The following DYM variants were observed in gnomAD, a reference collection of about 807,000 sequenced individuals.
DYM encodes the protein dyggve-Melchior-Clausen syndrome protein.
DYM carries 78 observed loss-of-function variants against 93.1 expected under a neutral mutation model. The observed-to-expected ratio is 0.84, with a 90% CI of 0.70 to 1.01. The LOEUF (loss-of-function observed/expected upper bound fraction) is 1.01, where lower values mean the gene tolerates loss of function less well. Ranked by LOEUF, DYM falls within the 50% of genes least tolerant of loss-of-function variation. DYM has a pLI of 0.00. For synonymous variants in DYM, 321 were observed against 319.7 expected, an observed-to-expected ratio of 1.00 and a Z score of -0.04; for missense variants, 789 against 845.0, an observed-to-expected ratio of 0.93 and a Z score of 0.82.
At chr18:49,390,148 C>T (rs111675513) in intron 3 of DYM, among the ~76,000 whole-genome samples, 2,284 of 152,272 alleles carry the variant, frequency 0.015, 56 homozygotes, top group African/African-American at 0.052. Context: ...GGCCCAGGCA[C>T]GGTGGCTAAC....
At chr18:49,273,121 A>C (rs1485731510) in intron 10 of DYM, among the ~76,000 whole-genome samples, 3 of 152,184 alleles carry the variant, frequency 2.0e-5, no homozygotes, top group Admixed American at 2.0e-4. Context: ...CACCAAAACA[A>C]GCTGGTATGC....
intron 14 of DYM, among the ~76,000 whole-genome samples, chr18:49,205,436 A>G (rs1452674820): frequency 2.6e-5 from 4 of 152,184 alleles, no homozygotes; most frequent in Admixed American, 2.6e-4. Flanking sequence ...AATTAAGAGT[A>G]TAATTTATTA....
intron 1 of DYM, among the ~76,000 whole-genome samples, chr18:49,443,745 T>C (rs2081866368): frequency 6.6e-6 from 1 of 152,050 alleles, no homozygotes; most frequent in Non-Finnish European, 1.5e-5. Flanking sequence ...TTGCCAAAAA[T>C]TAAAAATGGA....
chr18:49,305,101 G>A (rs754272862), intron 8 of DYM, among the ~76,000 whole-genome samples: 16 of 151,840 alleles, frequency 1.1e-4, no homozygotes, highest in African/African-American at 3.1e-4. Context: ...ATTGTCCATC[G>A]CCATCTCCAT....
intron 6 of DYM, among the ~76,000 whole-genome samples, chr18:49,334,735 A>G (rs2063543470): frequency 6.6e-6 from 1 of 152,276 alleles, no homozygotes; most frequent in Non-Finnish European, 1.5e-5. Context: ...TCATTAAACA[A>G]ATTAATGATG....
rs1420865310 is a variant in DYM at position 49,043,696 on chromosome 18, AATAGTGTGCACTGTTGG to A, written c.*342_*358del. Reference sequence around the variant, plus strand: ...CGCTTTTGAATAGTGTGCACTGTTGAATAGTGTGCACTGTTGGATAGTGTGCACTGTTGAAGTGTGAT... The same window carrying A: ...CGCTTTTGAATAGTGTGCACTGTTGAATAGTGTGCACTGTTGAAGTGTGAT... On this transcript the variant is annotated 3_prime_UTR_variant, in exon 18 of 18. Coordinates refer to ENST00000675505, the MANE Select transcript of DYM (RefSeq NM_001353214.3). The A allele has an allele frequency of 3.6e-4, 100 of 278,428 alleles. No homozygotes were observed. The highest frequency in any genetic ancestry group is 1.4e-3 in the Admixed American group (28 of 20,432). 17.2% of individuals were successfully genotyped at this position (278,428 alleles called of 1,614,324 possible).
At position 49,362,269 on chromosome 18, in the gene DYM, G is replaced by C. The variant is rs192446476; in HGVS notation, c.494+892C>G. Among the ~76,000 whole-genome samples the C allele has an allele frequency of 5.4e-3, 829 of 152,226 alleles. 4 individuals are homozygous for C. Among genetic ancestry groups the C allele is most frequent in the Non-Finnish European group, 9.3e-3 (635 of 68,004 alleles). On this transcript the variant is annotated intron_variant, in intron 6 of 17. Transcript: ENST00000675505. The stretch of plus-strand genomic sequence containing the variant: ...TCCAGGCACTTTAGGAGGCTGAGGT[G>C]GGAGGATCACTTGAAGCTGGGAGTT...
At position 49,042,381 on chromosome 18, in the gene DYM, G is replaced by A. The variant is rs540778523; in HGVS notation, c.*1674C>T. The A allele has an allele frequency of 1.3e-5, 2 of 152,508 alleles. No individual in the cohort carries two copies. Among genetic ancestry groups the A allele is most frequent in the South Asian group, 2.1e-4 (1 of 4,828 alleles). 9.4% of individuals were successfully genotyped at this position (152,508 alleles called of 1,614,324 possible). ...AACCTCTGTTTCATTCCATCCAGAC[G>A]AGGATAGGGAAGCTTCCTGCCCTAC... is the stretch of plus-strand genomic sequence containing the variant. On this transcript the variant is annotated 3_prime_UTR_variant, in exon 18 of 18. Coordinates refer to ENST00000675505, the MANE Select transcript of DYM (RefSeq NM_001353214.3).
rs34297501 is a variant in DYM at position 49,170,780 on chromosome 18, C to CAAAAAAA, written c.1626-7000_1626-6994dup. ...TGGGCAACAAAGTGAGACTCCGTCT[C>CAAAAAAA]AAAAAAAAAAAAAAAAAAAAAAAAA... On this transcript the variant is annotated intron_variant, in intron 14 of 17. Transcript: ENST00000675505. Among the ~76,000 whole-genome samples the CAAAAAAA allele has an allele frequency of 1.6e-4, 5 of 31,238 alleles. 2 individuals carry two copies. Among genetic ancestry groups the CAAAAAAA allele is most frequent in the Non-Finnish European group, 1.7e-4 (3 of 17,962 alleles). The allele number at this position is 31,238 out of a possible 152,430, so 20.5% of individuals were successfully genotyped here.
At chr18:49,442,889 G>C (rs959666994) in intron 1 of DYM, among the ~76,000 whole-genome samples, 15 of 147,296 alleles carry the variant, frequency 1.0e-4, no homozygotes, top group Non-Finnish European at 1.8e-4. Context: ...ACAGGGTCTT[G>C]CTCTGTCACC....
At chr18:49,349,485 C>T (rs1056386779) in intron 6 of DYM, among the ~76,000 whole-genome samples, 1 of 152,094 alleles carries the variant, frequency 6.6e-6, no homozygotes, top group Admixed American at 6.6e-5. Context: ...TGGGTAAGTA[C>T]ATGTCCAAAG....
At chr18:49,168,893 T>C (rs1185447519) in intron 14 of DYM, among the ~76,000 whole-genome samples, 3 of 152,026 alleles carry the variant, frequency 2.0e-5, no homozygotes, top group Non-Finnish European at 4.4e-5. Context: ...GGGGAAAGTG[T>C]TTAGAAAGGC....
Position 49,374,745 on chromosome 18 carries a change from G to C in DYM, c.421+3822C>G, listed in dbSNP as rs374571517. Among the ~76,000 whole-genome samples, 340 of 152,216 alleles carry C rather than the reference G, an allele frequency of 2.2e-3. 1 individual carries two copies. The highest frequency in any genetic ancestry group is 7.9e-3 in the African/African-American group (328 of 41,528). Reference sequence around the variant, plus strand: ...AGGCCGAGGTGGGCAGATCACATGAGGTCAGGAGTTCAAGACCAGCCTGAC... The same window carrying C: ...AGGCCGAGGTGGGCAGATCACATGACGTCAGGAGTTCAAGACCAGCCTGAC... On this transcript the variant is annotated intron_variant, in intron 5 of 17. Transcript: ENST00000675505.
intron 15 of DYM, among the ~76,000 whole-genome samples, chr18:49,161,154 G>T (rs1321828434): frequency 2.0e-5 from 3 of 150,638 alleles, no homozygotes; most frequent in Non-Finnish European, 4.4e-5. Context: ...TCTAGAAGCA[G>T]ATGCTTTAAG....
At chr18:49,121,211 G>C (rs1045763887) in intron 15 of DYM, among the ~76,000 whole-genome samples, 1 of 152,276 alleles carries the variant, frequency 6.6e-6, no homozygotes, top group African/African-American at 2.4e-5. Context: ...AGAGACAAAT[G>C]GTAATGCTAG....
At chr18:49,158,499 A>G (rs1238626794) in intron 15 of DYM, among the ~76,000 whole-genome samples, 1 of 152,226 alleles carries the variant, frequency 6.6e-6, no homozygotes, top group Non-Finnish European at 1.5e-5. Flanking sequence ...AACTTCTTGG[A>G]TATGACAGCA....
chr18:49,262,371 A>C (rs1169954751), intron 11 of DYM, among the ~76,000 whole-genome samples: 1 of 152,116 alleles, frequency 6.6e-6, no homozygotes, highest in Non-Finnish European at 1.5e-5. Flanking sequence ...GAAGACAATA[A>C]ATTTCTATTG....
chr18:49,194,643 G>A (rs1023644984), intron 14 of DYM, among the ~76,000 whole-genome samples: 3 of 151,996 alleles, frequency 2.0e-5, no homozygotes, highest in African/African-American at 7.2e-5. Context: ...TTTTAGTGTA[G>A]ATCACTGTGG....
chr18:49,226,259 C>T (rs2093526345), intron 13 of DYM, among the ~76,000 whole-genome samples: 1 of 152,038 alleles, frequency 6.6e-6, no homozygotes, highest in African/African-American at 2.4e-5. Context: ...ACAGATGTAC[C>T]ATCTATATTT....
Sources: allele counts gnomAD v4.1 joint callset (sites outside exome capture counted in the v4.1 genomes callset), GRCh38; gene constraint gnomAD v4.1.1; transcripts MANE v1.5; gene names NCBI Gene and HGNC (gene_info 2026-07-23, HGNC 2026-07-21).